Variants in RNF121 observed in about 807,000 individuals in gnomAD.
RNF121 encodes the protein E3 ubiquitin ligase RNF121.
RNF121 carries 21 observed loss-of-function variants against 46.5 expected under a neutral mutation model. The observed-to-expected ratio is 0.45, with a 90% confidence interval of 0.32 to 0.65. The LOEUF (loss-of-function observed/expected upper bound fraction) is 0.65, where lower values mean the gene tolerates loss of function less well. Ranked by LOEUF, RNF121 falls within the 30% of genes least tolerant of loss-of-function variation. RNF121 has a pLI of 0.04. For synonymous variants in RNF121, 139 were observed against 144.7 expected, an observed-to-expected ratio of 0.96 and a Z score of 0.28; for missense variants, 346 against 416.0, an observed-to-expected ratio of 0.83 and a Z score of 1.46.
intron 3 of RNF121, among the ~76,000 whole-genome samples, chr11:71,967,349 G>GTT (rs770121817): frequency 0.02 from 1,994 of 100,524 alleles, 213 homozygotes; most frequent in Middle Eastern, 0.034. Flanking sequence ...GGTTTTTTTT[G>GTT]TTTTTTTTTT....
chr11:71,942,793 T>C (rs200825356), intron 1 of RNF121, among the ~76,000 whole-genome samples: 1 of 52,404 alleles, frequency 1.9e-5, no homozygotes, highest in African/African-American at 8.4e-5. Context: ...TATATATAGA[T>C]ATATATATGT....
At chr11:71,984,745 A>ATTTTTTTTTTTTTTTTTTTT (rs56134788) in intron 4 of RNF121, among the ~76,000 whole-genome samples, 1 of 94,868 alleles carries the variant, frequency 1.1e-5, no homozygotes, top group African/African-American at 4.4e-5. Flanking sequence ...CACCCGGCTA[A>ATTTTTTTTTTTTTTTTTTTT]TTTTTTTTTT....
intron 6 of RNF121, among the ~76,000 whole-genome samples, chr11:71,994,345 G>A (rs1365715991): frequency 6.6e-6 from 1 of 152,050 alleles, no homozygotes; most frequent in East Asian, 1.9e-4. Flanking sequence ...TCCATTTCTG[G>A]TGGAACCATA....
chr11:71,979,056 T>C (rs1450996881), intron 3 of RNF121, among the ~76,000 whole-genome samples: 2 of 152,228 alleles, frequency 1.3e-5, no homozygotes, highest in African/African-American at 4.8e-5. Context: ...GCCTGGTAAC[T>C]CCTAGAGGAC....
At chr11:71,947,791 G>A (rs992270636) in intron 1 of RNF121, among the ~76,000 whole-genome samples, 1 of 152,226 alleles carries the variant, frequency 6.6e-6, no homozygotes, top group Non-Finnish European at 1.5e-5. Flanking sequence ...CACTGTGGCT[G>A]CTGCTGTGTC....
chr11:71,995,634 G>A (rs1482152488), intron 8 of RNF121, 83 bp downstream of exon 8: 3 of 1,091,920 alleles, frequency 2.7e-6, no homozygotes, highest in South Asian at 2.7e-5. Context: ...GGTCCTCCTG[G>A]GGCCCTCACT....
intron 1 of RNF121, among the ~76,000 whole-genome samples, chr11:71,941,316 A>G (rs942605477): frequency 6.6e-6 from 1 of 152,216 alleles, no homozygotes; most frequent in African/African-American, 2.4e-5. Flanking sequence ...GCTTTCACTT[A>G]TTTATGTTTT....
At chr11:71,966,041 CAG>C (rs1410702677) in intron 3 of RNF121, among the ~76,000 whole-genome samples, 18 of 152,110 alleles carry the variant, frequency 1.2e-4, no homozygotes, top group East Asian at 5.8e-4. Context: ...TTTTTTGAGA[CAG>C]AGTTTCCCTC....
chr11:71,973,182 A>G (rs1173429297), intron 3 of RNF121, among the ~76,000 whole-genome samples: 2 of 151,210 alleles, frequency 1.3e-5, no homozygotes, highest in Non-Finnish European at 3.0e-5. Flanking sequence ...GTGAAACTCC[A>G]TCTCAAAAAA....
chr11:71,974,176 C>T (rs1448220837), intron 3 of RNF121, among the ~76,000 whole-genome samples: 8 of 152,128 alleles, frequency 5.3e-5, no homozygotes, highest in African/African-American at 1.4e-4. Context: ...CTCCTGACCT[C>T]GTGATCCACC....
At chr11:71,976,638 G>A (rs372019479) in intron 3 of RNF121, among the ~76,000 whole-genome samples, 115 of 152,174 alleles carry the variant, frequency 7.6e-4, no homozygotes, top group African/African-American at 2.6e-3. Context: ...GGTTACAGGC[G>A]TGAGCCACGG....
chr11:71,984,780 T>C (rs1347554900), intron 4 of RNF121, among the ~76,000 whole-genome samples: 3 of 138,080 alleles, frequency 2.2e-5, no homozygotes, highest in Non-Finnish European at 4.6e-5. Context: ...TGTCTATTTT[T>C]AGTAGAGACA....
chr11:71,983,102 A>G (rs906655651), intron 4 of RNF121, 187 bp downstream of exon 4: 2 of 428,956 alleles, frequency 4.7e-6, no homozygotes, highest in African/African-American at 2.0e-5. Context: ...AAAACCTCAA[A>G]TATTTCTGTA....
intron 1 of RNF121, among the ~76,000 whole-genome samples, chr11:71,942,953 A>G (rs1182399188): frequency 2.0e-5 from 3 of 152,126 alleles, no homozygotes; most frequent in Non-Finnish European, 2.9e-5. Flanking sequence ...TTCACATGGC[A>G]GAAGGGACAC....
intron 1 of RNF121, among the ~76,000 whole-genome samples, chr11:71,932,409 A>G (rs760805110): frequency 7.2e-5 from 11 of 152,258 alleles, no homozygotes; most frequent in Admixed American, 2.0e-4. Flanking sequence ...CCTGTGCTAT[A>G]TGGAGCTTAG....
chr11:71,964,858 G>C (rs1412969688), intron 3 of RNF121, among the ~76,000 whole-genome samples: 2 of 152,128 alleles, frequency 1.3e-5, no homozygotes, highest in African/African-American at 4.8e-5. Flanking sequence ...TTATGGGATG[G>C]TTGACTGGAC....
At chr11:71,945,410 C>T (rs567618241) in intron 1 of RNF121, among the ~76,000 whole-genome samples, 5 of 152,244 alleles carry the variant, frequency 3.3e-5, no homozygotes, top group Non-Finnish European at 5.9e-5. Context: ...TTCCCAGTTC[C>T]TCTGGATTCT....
intron 3 of RNF121, among the ~76,000 whole-genome samples, chr11:71,969,393 G>A (rs1319610266): frequency 6.6e-6 from 1 of 152,080 alleles, no homozygotes; most frequent in African/African-American, 2.4e-5. Context: ...AAGCTTAGCA[G>A]TATAATATTG....
At chr11:71,985,930 C>T (rs1954762497) in intron 4 of RNF121, among the ~76,000 whole-genome samples, 1 of 150,602 alleles carries the variant, frequency 6.6e-6, no homozygotes, top group Non-Finnish European at 1.5e-5. Flanking sequence ...CCATCTCTAG[C>T]CAAAAAAAAA....
Sources: allele counts gnomAD v4.1 joint callset (sites outside exome capture counted in the v4.1 genomes callset), GRCh38; gene constraint gnomAD v4.1.1; transcripts MANE v1.5; gene names NCBI Gene and HGNC (gene_info 2026-07-23, HGNC 2026-07-21).